SOCS4: variants seen among roughly 807,000 people sequenced by gnomAD.
SOCS4 encodes suppressor of cytokine signaling 4.
In SOCS4, 20 loss-of-function variants were observed where a neutral mutation model predicts 34.1. The ratio of observed to expected loss-of-function variants is 0.59; its 90% CI spans 0.41 to 0.85. SOCS4 has a LOEUF of 0.85. Among genes scored for constraint, SOCS4 ranks in the 40% least tolerant of loss-of-function variants. SOCS4 has a pLI of 0.00. For synonymous variants in SOCS4, 180 were observed against 186.4 expected (o/e 0.97, Z 0.28); for missense variants, 479 against 532.4 (o/e 0.90, Z 0.99).
rs757949613 is a variant in SOCS4, at chr14:55,043,570, A to G, written c.529A>G (p.Lys177Glu). The G allele has an allele frequency of 7.4e-6, 12 of 1,614,088 alleles. No individual in the cohort carries two copies. The highest frequency in any genetic ancestry group is 1.6e-4 in the Middle Eastern group (1 of 6,084). ...GACTGAATTGAGGGATGGTCAGCTA[A>G]AACGAAGAAATATGGAAGAAAATAT... Reference protein sequence around the residue: ...SQTELRDGQLKRRNMEENINC... With the variant: ...SQTELRDGQLERRNMEENINC... Residue 177 changes from lysine (K) to glutamate (E), a missense_variant, in exon 3 of 3, where the codon AAA becomes GAA. By Grantham distance (56) the Lys-to-Glu change is moderately conservative (BLOSUM62 1). Transcript: ENST00000555846.
At chr14:55,037,768 A>G (rs1043913434) in intron 2 of SOCS4, among the ~76,000 whole-genome samples, 1 of 152,234 alleles carries the variant, frequency 6.6e-6, no homozygotes, top group Non-Finnish European at 1.5e-5. Context: ...TGCTGGGATT[A>G]CAGGCATGAG....
chr14:55,035,109 C>T (rs1405392322), intron 2 of SOCS4, among the ~76,000 whole-genome samples: 2 of 152,168 alleles, frequency 1.3e-5, no homozygotes, highest in Non-Finnish European at 2.9e-5. Flanking sequence ...GATCCACCCA[C>T]CTCGGCCTCC....
chr14:55,046,628 A>G lies in SOCS4; in HGVS notation c.*2264A>G, dbSNP rs2042678669. 1 of 166,948 alleles carries G rather than the reference A, an allele frequency of 6.0e-6. No homozygotes were observed. Among genetic ancestry groups the G allele is most frequent in the Non-Finnish European group, 1.5e-5 (1 of 68,032 alleles). The allele number at this position is 166,948 out of a possible 1,614,324, so 10.3% of individuals were successfully genotyped here. ...TTTTTTATTTTTTCAACTTCAAGGTATTAACAGCTGTTAACACTTAAAAAG... is the reference window on the plus strand; with the variant it reads ...TTTTTTATTTTTTCAACTTCAAGGTGTTAACAGCTGTTAACACTTAAAAAG... On this transcript the variant is annotated 3_prime_UTR_variant, in exon 3 of 3. Coordinates refer to ENST00000555846, the MANE Select transcript of SOCS4 (RefSeq NM_199421.2).
rs1338391014 is a variant in SOCS4, at chr14:55,045,384, A to G, written c.*1020A>G. The G allele has an allele frequency of 1.2e-5, 2 of 167,004 alleles. No individual in the cohort carries two copies. The highest frequency in any genetic ancestry group is 2.9e-5 in the Non-Finnish European group (2 of 68,028). The allele number at this position is 167,004 out of a possible 1,614,324, so 10.3% of individuals were successfully genotyped here. A position where few individuals can be genotyped will look rare whatever the true frequency, so the allele number is the denominator to read the frequency against. ...ACCTAAGTAGTTTTTCATTATTTTA[A>G]GTTGAATTTGAATAAAGATTCCAGA... On this transcript the variant is annotated 3_prime_UTR_variant, in exon 3 of 3. Transcript: ENST00000555846.
intron 2 of SOCS4, among the ~76,000 whole-genome samples, chr14:55,032,489 T>A (rs1381935962): frequency 6.6e-6 from 1 of 152,156 alleles, no homozygotes; most frequent in East Asian, 1.9e-4. Flanking sequence ...TTATATAAAC[T>A]TGCTTTTTAA....
Position 55,047,749 on chromosome 14 carries a change from G to C in SOCS4, c.*3385G>C, listed in dbSNP as rs1039881683. On this transcript the variant is annotated 3_prime_UTR_variant, in exon 3 of 3. Transcript: ENST00000555846. ...AATGTGGCAAGTAGGACTCCTATCG[G>C]TATACAAATTCCATTTCTTTTTATA... 1 of 167,024 alleles carries C rather than the reference G, an allele frequency of 6.0e-6. No individual in the cohort carries two copies. Among genetic ancestry groups the C allele is most frequent in the Non-Finnish European group, 1.5e-5 (1 of 68,112 alleles). The allele number at this position is 167,024 out of a possible 1,614,324, so 10.3% of individuals were successfully genotyped here.
At chr14:55,037,484 T>C (rs910573920) in intron 2 of SOCS4, among the ~76,000 whole-genome samples, 2 of 151,520 alleles carry the variant, frequency 1.3e-5, no homozygotes, top group Admixed American at 6.6e-5. Context: ...TCTAGTTGTC[T>C]CCACCTCTTT....
intron 2 of SOCS4, among the ~76,000 whole-genome samples, chr14:55,032,989 A>G (rs964614710): frequency 9.9e-5 from 15 of 152,038 alleles, no homozygotes; most frequent in Non-Finnish European, 1.3e-4. Flanking sequence ...TCACCGTGTT[A>G]GTCAGGATGG....
intron 2 of SOCS4, among the ~76,000 whole-genome samples, chr14:55,035,776 A>C (rs1465232118): frequency 1.3e-5 from 2 of 152,200 alleles, no homozygotes; most frequent in Admixed American, 6.5e-5. Flanking sequence ...TTACATGTGA[A>C]TGCACTGATG....
chr14:55,033,201 C>T (rs1224160856), intron 2 of SOCS4, among the ~76,000 whole-genome samples: 4 of 151,946 alleles, frequency 2.6e-5, no homozygotes, highest in African/African-American at 4.8e-5. Flanking sequence ...GGACAAGATA[C>T]GAAAGCACAA....
intron 2 of SOCS4, among the ~76,000 whole-genome samples, chr14:55,039,664 T>C (rs2042600676): frequency 6.6e-6 from 1 of 152,084 alleles, no homozygotes; most frequent in African/African-American, 2.4e-5. Context: ...GAGGCCGAGG[T>C]GGGCGGACCA....
chr14:55,031,518 C>T (rs983483845), intron 1 of SOCS4, among the ~76,000 whole-genome samples: 1 of 152,150 alleles, frequency 6.6e-6, no homozygotes, highest in Non-Finnish European at 1.5e-5. Flanking sequence ...ACAAGAGAAC[C>T]TTTTTTTCTC....
intron 2 of SOCS4, among the ~76,000 whole-genome samples, chr14:55,035,131 G>A (rs1025704427): frequency 2.0e-5 from 3 of 152,164 alleles, no homozygotes; most frequent in African/African-American, 7.2e-5. Flanking sequence ...AAAGTACTGG[G>A]ATTACAGACA....
In SOCS4 at chr14:55,046,876, A is replaced by G. The variant is rs2042681268; in HGVS notation, c.*2512A>G. 1 of 167,022 alleles carries G rather than the reference A, an allele frequency of 6.0e-6. No individual in the cohort carries two copies. The highest frequency in any genetic ancestry group is 6.5e-5 in the Admixed American group (1 of 15,278). 10.3% of individuals were successfully genotyped at this position (167,022 alleles called of 1,614,324 possible). A position where few individuals can be genotyped will look rare whatever the true frequency, so the allele number is the denominator to read the frequency against. The stretch of plus-strand genomic sequence containing the variant: ...TAAGGAATTGGAATTCAGAAAGGTT[A>G]CCCCCTTCCTCTGTGTCTTTGTAAG... On this transcript the variant is annotated 3_prime_UTR_variant, in exon 3 of 3. Coordinates refer to ENST00000555846, the MANE Select transcript of SOCS4 (RefSeq NM_199421.2).
intron 2 of SOCS4, among the ~76,000 whole-genome samples, chr14:55,038,921 CATTTG>C (rs1267140561): frequency 1.3e-5 from 2 of 152,210 alleles, no homozygotes; most frequent in East Asian, 3.9e-4. Flanking sequence ...AGTTATTGTT[CATTTG>C]TTTTCTGTAC....
In SOCS4 at chr14:55,044,188, C is replaced by T. The variant is rs776271521; in HGVS notation, c.1147C>T (p.Arg383Trp). ...FEPLLSTPLI[R>W]TFPFSLQHIC... ...ACCACTTCTATCCACTCCCTTAATTCGGACTTTCCCTTTTTCCCTGCAGCA... is the reference window on the plus strand; with the variant it reads ...ACCACTTCTATCCACTCCCTTAATTTGGACTTTCCCTTTTTCCCTGCAGCA... Residue 383 changes from arginine (R) to tryptophan (W), a missense_variant, in exon 3 of 3, where the codon CGG becomes TGG. Coordinates refer to ENST00000555846, the MANE Select transcript of SOCS4 (RefSeq NM_199421.2). 1.1e-5 allele frequency: 17 copies of T among 1,614,034 alleles called. No individual in the cohort carries two copies. Among genetic ancestry groups the T allele is most frequent in the Non-Finnish European group, 1.4e-5 (16 of 1,179,956 alleles).
intron 2 of SOCS4, among the ~76,000 whole-genome samples, chr14:55,041,951 C>T (rs2042623796): frequency 6.6e-6 from 1 of 151,766 alleles, no homozygotes; most frequent in Non-Finnish European, 1.5e-5. Flanking sequence ...GCCGTTGCAC[C>T]TGGCTAATTT....
intron 2 of SOCS4, among the ~76,000 whole-genome samples, chr14:55,041,866 A>C (rs2042622718): frequency 7.8e-6 from 1 of 128,782 alleles, no homozygotes; most frequent in Non-Finnish European, 1.6e-5. Flanking sequence ...GTCTTGGTTC[A>C]CCACAACCTC....
chr14:55,043,006 G>C lies in SOCS4; in HGVS notation c.-36G>C, dbSNP rs181222250. 6.5e-7 allele frequency: 1 copy of C among 1,547,946 alleles called. No homozygotes were observed. The highest frequency in any genetic ancestry group is 2.3e-5 in the East Asian group (1 of 44,394). Reference sequence around the variant, plus strand: ...TCCTGCTGGAAAAAATGAAAAAGCAGTATTTATAACATTAGAATCTGGATA... The same window carrying C: ...TCCTGCTGGAAAAAATGAAAAAGCACTATTTATAACATTAGAATCTGGATA... On this transcript the variant is annotated 5_prime_UTR_variant, in exon 3 of 3. Coordinates refer to ENST00000555846, the MANE Select transcript of SOCS4 (RefSeq NM_199421.2).
Sources: gnomAD v4.1 joint callset for allele counts (sites outside exome capture counted in the v4.1 genomes callset) on GRCh38, gnomAD v4.1.1 for gene constraint, MANE v1.5 for transcripts, NCBI Gene and HGNC (gene_info 2026-07-23, HGNC 2026-07-21) for gene names.